Variants in MEIS3 observed in about 807,000 individuals in gnomAD.
MEIS3 encodes homeobox protein Meis3.
Under a neutral mutation model 51.4 loss-of-function variants are expected in MEIS3, and 38 were observed. The observed-to-expected ratio is 0.74, with a 90% confidence interval of 0.57 to 0.97. The LOEUF (loss-of-function observed/expected upper bound fraction) is 0.97, where lower values mean the gene tolerates loss of function less well. Among genes scored for constraint, MEIS3 ranks in the 50% least tolerant of loss-of-function variants. The probability of loss-of-function intolerance (pLI) is 0.00; values close to 1 mark genes in which losing one functional copy is unlikely to be tolerated. For missense variants in MEIS3, 456 were observed against 502.6 expected, an observed-to-expected ratio of 0.91 and a Z score of 0.89; for synonymous variants, 198 against 201.8, an observed-to-expected ratio of 0.98 and a Z score of 0.16.
intron 8 of MEIS3, chr19:47,407,668 T>G: frequency 1.0e-6 from 1 of 952,660 alleles, no homozygotes; most frequent in Non-Finnish European, 1.5e-6. Context: ...ACTGGCCAGC[T>G]CTGATTAGAG....
chr19:47,408,949 C>T, intron 8 of MEIS3, 150 bp downstream of exon 8: 1 of 864,366 alleles, frequency 1.2e-6, no homozygotes, highest in South Asian at 1.6e-5. Context: ...GCTGCTGGCT[C>T]CTGTCACAAT....
At chr19:47,406,032 A>C (rs555632253) in intron 12 of MEIS3, 1 of 157,116 alleles carries the variant, frequency 6.4e-6, no homozygotes, top group East Asian at 1.9e-4. Context: ...GTGAATGCAC[A>C]GATAAATGGG....
chr19:47,414,930 CGGGGG>C, intron 5 of MEIS3, 64 bp from the exon 6 acceptor site: 1 of 759,764 alleles, frequency 1.3e-6, no homozygotes, highest in South Asian at 2.2e-5. Context: ...TGCTCAGGGA[CGGGGG>C]CGGCATTCTG....
intron 11 of MEIS3, 142 bp downstream of exon 11, chr19:47,406,746 A>G (rs981327564): frequency 2.3e-6 from 2 of 886,638 alleles, no homozygotes; most frequent in Non-Finnish European, 3.4e-6. Flanking sequence ...GGGACCAGGA[A>G]ATCTGCCTTG....
intron 4 of MEIS3, chr19:47,416,410 CAG>C (rs1314239763): frequency 4.2e-6 from 2 of 481,870 alleles, no homozygotes; most frequent in Non-Finnish European, 7.4e-6. Flanking sequence ...CACGGAGATG[CAG>C]AGTGACTTGC....
At position 47,407,211 on chromosome 19, in the gene MEIS3, G is replaced by A. The variant is rs999151511; in HGVS notation, c.936-74C>T. On this transcript the variant is annotated intron_variant, in intron 9 of 12. Transcript: ENST00000558555. Reference sequence around the variant, plus strand: ...GAGAGGCCAAGACGAACACAGAGCGGGCCGGAGGACAGCGGCGGGGGAGGC... The same window carrying A: ...GAGAGGCCAAGACGAACACAGAGCGAGCCGGAGGACAGCGGCGGGGGAGGC... The A allele has an allele frequency of 1.4e-5, 21 of 1,529,318 alleles. No individual in the cohort carries two copies. The African/African-American group carries it at 2.6e-4, about 19-fold the overall frequency. 94.7% of individuals were successfully genotyped at this position (1,529,318 alleles called of 1,614,324 possible). A position where few individuals can be genotyped will look rare whatever the true frequency, so the allele number is the denominator to read the frequency against.
Position 47,419,271 on chromosome 19 carries a change from G to T in MEIS3, c.-190C>A. 3.5e-6 allele frequency: 1 copy of T among 285,302 alleles called. No individual in the cohort carries two copies. The allele number at this position is 285,302 out of a possible 1,614,324, so 17.7% of individuals were successfully genotyped here. A position where few individuals can be genotyped will look rare whatever the true frequency, so the allele number is the denominator to read the frequency against. ...GGGCCGGGTGGGGACTCCGCGCATGGACCCCGGCCCCCGCCCCCAGCGGGG... is the reference window on the plus strand; with the variant it reads ...GGGCCGGGTGGGGACTCCGCGCATGTACCCCGGCCCCCGCCCCCAGCGGGG... On this transcript the variant is annotated 5_prime_UTR_variant, in exon 1 of 13. Transcript: ENST00000558555.
At chr19:47,415,877 T>C (rs1016411013) in intron 4 of MEIS3, 2 of 147,430 alleles carry the variant, frequency 1.4e-5, no homozygotes, top group African/African-American at 5.1e-5. Context: ...CCGGCCCTCT[T>C]TTTCTTTCTT....
chr19:47,406,425 G>T, intron 12 of MEIS3, 35 bp downstream of exon 12: 1 of 1,581,996 alleles, frequency 6.3e-7, no homozygotes, highest in Non-Finnish European at 8.7e-7. Flanking sequence ...GGAGGTTTGA[G>T]AATTGCACAA....
chr19:47,417,199 C>G lies in MEIS3; in HGVS notation c.164G>C (p.Arg55Thr), dbSNP rs1474149130. The change falls in exon 2 of 13, where the codon AGG (arginine) becomes ACG (threonine). Residue 55 changes from arginine to threonine, a missense_variant. Transcript: ENST00000558555. ...TCACCCATAGATCTCATCCTTCTCC[C>G]TCTTCAGGCCGTCGCTGTCCAAGCC... ...PPGLDSDGLK[R>T]EKDEIYGHPL... 9 of 1,560,794 alleles carry G rather than the reference C, an allele frequency of 5.8e-6. No homozygotes were observed. Among genetic ancestry groups the G allele is most frequent in the Non-Finnish European group, 7.8e-6 (9 of 1,157,110 alleles).
rs147730599 is a variant in MEIS3, at chr19:47,416,830, C to T, written c.319G>A (p.Glu107Lys). The T allele has an allele frequency of 1.6e-3, 2,642 of 1,613,828 alleles. 6 individuals are homozygous for T. The highest frequency in any genetic ancestry group is 1.6e-3 in the Non-Finnish European group (1,888 of 1,179,916). The change falls in exon 3 of 13, where the codon GAG (glutamate) becomes AAG (lysine). Residue 107 changes from glutamate to lysine, a missense_variant. Physicochemically the swap from Glu to Lys is moderately conservative, Grantham distance 56 (BLOSUM62 1). Transcript: ENST00000558555. ...GDVCSSDSFN[E>K]DIAAFAKQVR... ...TGCTTGGCAAAGGCAGCGATGTCCT[C>T]GTTGAAGGAATCAGAGGAGCAGACG...
chr19:47,419,763 C>T (rs564923666), upstream of MEIS3, among the ~76,000 whole-genome samples: 2 of 151,810 alleles, frequency 1.3e-5, no homozygotes, highest in East Asian at 2.0e-4. Context: ...TTCTCAGTCT[C>T]CCTCTTTCCC....
At chr19:47,407,735 G>C (rs986139924) in intron 8 of MEIS3, 2 of 504,666 alleles carry the variant, frequency 4.0e-6, no homozygotes, top group East Asian at 3.3e-5. Flanking sequence ...CACTGGCGTC[G>C]GGGAGGGAAG....
intron 1 of MEIS3, chr19:47,417,625 GAA>G: frequency 1.4e-6 from 1 of 703,010 alleles, no homozygotes; most frequent in Non-Finnish European, 2.6e-6. Context: ...GGCTGGGAGG[GAA>G]AAGAGATGGA....
chr19:47,421,095 C>T (rs936783068), upstream of MEIS3, among the ~76,000 whole-genome samples: 1 of 151,880 alleles, frequency 6.6e-6, no homozygotes, highest in African/African-American at 2.4e-5. Context: ...GGCTGCCTGT[C>T]GGCTCTTCGA....
At chr19:47,407,693 G>A (rs1275912063) in intron 8 of MEIS3, 2 of 770,626 alleles carry the variant, frequency 2.6e-6, no homozygotes, top group Non-Finnish European at 3.8e-6. Context: ...TGTGTTGGGG[G>A]AGGGGGCTCC....
At chr19:47,416,402 C>T (rs542306555) in intron 4 of MEIS3, 9 of 467,418 alleles carry the variant, frequency 1.9e-5, no homozygotes, top group Admixed American at 4.1e-5. Flanking sequence ...CACCAAGGCA[C>T]GGAGATGCAG....
At chr19:47,409,309 A>C in intron 7 of MEIS3, 62 bp from the exon 8 acceptor site, 1 of 1,585,466 alleles carries the variant, frequency 6.3e-7, no homozygotes, top group Non-Finnish European at 8.6e-7. Flanking sequence ...AGAGGGCCCC[A>C]GAACTCTCCC....
chr19:47,418,825 G>T, intron 1 of MEIS3: 1 of 386,900 alleles, frequency 2.6e-6, no homozygotes, highest in Non-Finnish European at 4.6e-6. Flanking sequence ...GGGGACAGAG[G>T]GGCAGGGAGA....
Sources: allele counts gnomAD v4.1 joint callset (sites outside exome capture counted in the v4.1 genomes callset), GRCh38; gene constraint gnomAD v4.1.1; transcripts MANE v1.5; gene names NCBI Gene and HGNC (gene_info 2026-07-23, HGNC 2026-07-21).